TNKS: variants seen among roughly 807,000 people sequenced by gnomAD.
TNKS encodes poly [ADP-ribose] polymerase tankyrase-1.
TNKS carries 72 observed loss-of-function variants against 135.8 expected under a neutral mutation model. That is an observed-to-expected ratio of 0.53 (90% CI 0.44 to 0.64). TNKS has a LOEUF of 0.64. TNKS is among the 30% of genes least tolerant of loss of function. The pLI, the probability that TNKS is intolerant of heterozygous loss-of-function variation, is 0.00. For synonymous variants in TNKS, 849 were observed against 649.3 expected (o/e 1.31, Z -4.68); for missense variants, 1,769 against 1,674.0 (o/e 1.06, Z -0.99).
chr8:9,641,539 G>A (rs1800732201), intron 3 of TNKS, among the ~76,000 whole-genome samples: 1 of 145,252 alleles, frequency 6.9e-6, no homozygotes, highest in African/African-American at 2.6e-5. Flanking sequence ...ACTTACCATT[G>A]CCTAATACAT....
In TNKS at chr8:9,764,806, T is replaced by C. The variant is rs1287437363; in HGVS notation, c.3447+16T>C. The C allele has an allele frequency of 6.4e-7, 1 of 1,574,208 alleles. No homozygotes were observed. The highest frequency in any genetic ancestry group is 8.6e-7 in the Non-Finnish European group (1 of 1,162,792). The stretch of plus-strand genomic sequence containing the variant: ...TGTCATTCGAGTAAGTTTTTAAAGT[T>C]TCATGGTGAAAACTGGATTGCAAGG... On this transcript the variant is annotated intron_variant, in intron 23 of 26. Transcript: ENST00000310430.
intron 3 of TNKS, among the ~76,000 whole-genome samples, chr8:9,631,367 G>A (rs1800281466): frequency 6.6e-6 from 1 of 152,122 alleles, no homozygotes; most frequent in South Asian, 2.1e-4. Flanking sequence ...CTGCTCCATT[G>A]AGTTATGATT....
At chr8:9,564,229 C>T (rs530953573) in intron 1 of TNKS, among the ~76,000 whole-genome samples, 35 of 152,284 alleles carry the variant, frequency 2.3e-4, no homozygotes, top group African/African-American at 8.4e-4. Flanking sequence ...AAAGCATTCC[C>T]TACCCCATCA....
At chr8:9,729,221 C>G (rs1805304082) in intron 13 of TNKS, among the ~76,000 whole-genome samples, 1 of 152,196 alleles carries the variant, frequency 6.6e-6, no homozygotes, top group South Asian at 2.1e-4. Flanking sequence ...GTCCGCATGA[C>G]CCAGTCACCT....
At chr8:9,561,275 C>T (rs896787932) in intron 1 of TNKS, among the ~76,000 whole-genome samples, 11 of 152,172 alleles carry the variant, frequency 7.2e-5, no homozygotes, top group African/African-American at 2.7e-4. Context: ...TGTACATTCA[C>T]TGAGTTTTGA....
At chr8:9,706,519 C>T (rs983874001) in intron 7 of TNKS, among the ~76,000 whole-genome samples, 6 of 152,128 alleles carry the variant, frequency 3.9e-5, no homozygotes, top group East Asian at 1.9e-4. Flanking sequence ...TGTGCCACCA[C>T]GCACAGCTAA....
chr8:9,690,005 G>C (rs2128801141), intron 5 of TNKS, among the ~76,000 whole-genome samples: 1 of 152,238 alleles, frequency 6.6e-6, no homozygotes, highest in South Asian at 2.1e-4. Context: ...GTGCAGTTTG[G>C]GTAGTGTGAA....
chr8:9,658,249 C>A, intron 3 of TNKS: 1 of 356,102 alleles, frequency 2.8e-6, no homozygotes, highest in Non-Finnish European at 5.0e-6. Flanking sequence ...GGCAGCCGGG[C>A]AGAGGCTGCA....
At chr8:9,691,464 C>T (rs1223467404) in intron 5 of TNKS, among the ~76,000 whole-genome samples, 1 of 152,088 alleles carries the variant, frequency 6.6e-6, no homozygotes, top group Non-Finnish European at 1.5e-5. Context: ...AATTCTTGCC[C>T]CTCAGCTATA....
chr8:9,701,445 A>T (rs1357258284), intron 5 of TNKS, among the ~76,000 whole-genome samples: 2 of 152,216 alleles, frequency 1.3e-5, no homozygotes, highest in East Asian at 3.9e-4. Context: ...GCTATGTGCT[A>T]TACTAGCTTG....
chr8:9,635,523 C>T (rs985328209), intron 3 of TNKS, among the ~76,000 whole-genome samples: 1 of 152,198 alleles, frequency 6.6e-6, no homozygotes, highest in Non-Finnish European at 1.5e-5. Context: ...GTTTGATGAG[C>T]AGCTGTATAA....
rs371361261 is a variant in TNKS, at chr8:9,776,612, C to T, written c.3898-38C>T. 36 of 1,592,228 alleles carry T rather than the reference C, an allele frequency of 2.3e-5. No individual in the cohort carries two copies. In the African/African-American group the frequency reaches 4.8e-4, roughly 21 times the overall value. ...CGGCAAGGCTTTAATATTGTGCCTACTAGAAGGGTGATTTGTTTTTCTTCT... is the reference window on the plus strand; with the variant it reads ...CGGCAAGGCTTTAATATTGTGCCTATTAGAAGGGTGATTTGTTTTTCTTCT... On this transcript the variant is annotated intron_variant, in intron 26 of 26. Coordinates refer to ENST00000310430, the MANE Select transcript of TNKS (RefSeq NM_003747.3).
chr8:9,711,233 A>G (rs1804319063), intron 11 of TNKS, among the ~76,000 whole-genome samples: 2 of 152,170 alleles, frequency 1.3e-5, no homozygotes, highest in Non-Finnish European at 2.9e-5. Flanking sequence ...AGATTTACCA[A>G]TATTGAATAC....
chr8:9,650,302 C>T (rs941143395), intron 3 of TNKS, among the ~76,000 whole-genome samples: 4 of 152,168 alleles, frequency 2.6e-5, no homozygotes, highest in African/African-American at 7.2e-5. Context: ...GTATCTTTTT[C>T]GTATAATGAC....
chr8:9,650,444 A>G (rs929564877), intron 3 of TNKS, among the ~76,000 whole-genome samples: 1 of 152,082 alleles, frequency 6.6e-6, no homozygotes, highest in Non-Finnish European at 1.5e-5. Context: ...AGTAGTGTAA[A>G]ATTGTTCCCT....
chr8:9,560,844 T>G (rs1335536819), intron 1 of TNKS, among the ~76,000 whole-genome samples: 5 of 152,098 alleles, frequency 3.3e-5, no homozygotes, highest in Non-Finnish European at 7.4e-5. Context: ...AACACTTTTC[T>G]GAAGGTACCT....
At chr8:9,561,660 A>G (rs1469716757) in intron 1 of TNKS, among the ~76,000 whole-genome samples, 1 of 152,186 alleles carries the variant, frequency 6.6e-6, no homozygotes, top group Non-Finnish European at 1.5e-5. Context: ...CGCAATGAAC[A>G]TTCTTATAAA....
In TNKS at chr8:9,709,957, C is replaced by T; in HGVS notation, c.1581C>T (p.His527=). ...ACTTGGTTTTGTTTACTTTATAGCA[C>T]TGTGCTGTGGCCTCTCTGCATCCCA... ...KQPQSHETAL[H]CAVASLHPKR... The change falls in exon 10 of 27, where the codon CAC becomes CAT. Residue 527 remains histidine (H), a splice_region_variant and synonymous_variant. Coordinates refer to ENST00000310430, the MANE Select transcript of TNKS (RefSeq NM_003747.3). 6.2e-7 allele frequency: 1 copy of T among 1,613,280 alleles called. No homozygotes were observed. The highest frequency in any genetic ancestry group is 8.5e-7 in the Non-Finnish European group (1 of 1,179,678).
intron 3 of TNKS, among the ~76,000 whole-genome samples, chr8:9,621,970 A>G (rs1350045746): frequency 1.3e-5 from 2 of 152,354 alleles, no homozygotes; most frequent in South Asian, 2.1e-4. Flanking sequence ...AAACAAAGCA[A>G]TGTGAATACT....
Sources: gnomAD v4.1 joint callset for allele counts (sites outside exome capture counted in the v4.1 genomes callset) on GRCh38, gnomAD v4.1.1 for gene constraint, MANE v1.5 for transcripts, NCBI Gene and HGNC (gene_info 2026-07-23, HGNC 2026-07-21) for gene names.